Variants in KDM4C observed in about 807,000 individuals in gnomAD.
The protein encoded by KDM4C is lysine demethylase 4C, also known as lysine-specific demethylase 4C.
A neutral mutation model predicts 129.3 loss-of-function variants in KDM4C; 81 were observed. That is an observed-to-expected ratio of 0.63 (90% CI 0.52 to 0.75). The LOEUF is 0.75. Among genes scored for constraint, KDM4C ranks in the 30% least tolerant of loss-of-function variants. The probability of loss-of-function intolerance (pLI) is 0.00; values close to 1 mark genes in which losing one functional copy is unlikely to be tolerated. For missense variants in KDM4C, 1,457 were observed against 1,304.0 expected, an observed-to-expected ratio of 1.12 and a Z score of -1.81; for synonymous variants, 573 against 456.1, an observed-to-expected ratio of 1.26 and a Z score of -3.26.
At chr9:6,985,825 G>A (rs1382710244) in intron 10 of KDM4C, among the ~76,000 whole-genome samples, 1 of 152,016 alleles carries the variant, frequency 6.6e-6, no homozygotes, top group Non-Finnish European at 1.5e-5. Flanking sequence ...TGAGTATCTG[G>A]GACTAAAGGT....
intron 17 of KDM4C, among the ~76,000 whole-genome samples, chr9:7,072,260 T>G (rs1432129670): frequency 6.6e-6 from 1 of 152,220 alleles, no homozygotes. Context: ...CTTATAAAAT[T>G]AAACTTACAA....
chr9:7,150,896 C>G (rs1842669005), intron 19 of KDM4C, among the ~76,000 whole-genome samples: 1 of 152,200 alleles, frequency 6.6e-6, no homozygotes, highest in South Asian at 2.1e-4. Flanking sequence ...AAATATACCT[C>G]TGAGGCTTAA....
At position 7,077,369 on chromosome 9, in the gene KDM4C, A is replaced by T. The variant is rs141454043; in HGVS notation, c.2425-26316A>T. 4.3e-4 allele frequency: 100 copies of T among 234,816 alleles called. No individual in the cohort carries two copies. The Admixed American group carries it at 4.9e-3, about 11-fold the overall frequency. 14.5% of individuals were successfully genotyped at this position (234,816 alleles called of 1,614,324 possible). On this transcript the variant is annotated intron_variant, in intron 17 of 21. Transcript: ENST00000381309. ...AACTACGGCTGAAAAAAAAGTAAAT[A>T]TGAAATAGAATAGCATGCTATTTAG...
At chr9:6,918,916 G>T (rs1444102570) in intron 8 of KDM4C, among the ~76,000 whole-genome samples, 2 of 151,992 alleles carry the variant, frequency 1.3e-5, no homozygotes, top group East Asian at 1.9e-4. Flanking sequence ...CAGTGGCACA[G>T]TCTTAGCTCA....
At chr9:6,973,272 G>A (rs895206145) in intron 8 of KDM4C, among the ~76,000 whole-genome samples, 1 of 152,080 alleles carries the variant, frequency 6.6e-6, no homozygotes, top group Admixed American at 6.5e-5. Context: ...TGAACTTCTG[G>A]CCTCAAGCAA....
At chr9:7,106,766 G>C (rs1004134538) in intron 18 of KDM4C, among the ~76,000 whole-genome samples, 1 of 152,070 alleles carries the variant, frequency 6.6e-6, no homozygotes, top group Admixed American at 6.6e-5. Context: ...AAGTGCCGGA[G>C]TTGTAGGTGT....
At chr9:6,743,210 C>T (rs1399456094) in intron 1 of KDM4C, among the ~76,000 whole-genome samples, 4 of 152,154 alleles carry the variant, frequency 2.6e-5, no homozygotes, top group Admixed American at 6.5e-5. Context: ...TTAAGTAGAG[C>T]TAATGAAATT....
chr9:6,879,449 T>C (rs889053594), intron 5 of KDM4C, among the ~76,000 whole-genome samples: 2 of 152,208 alleles, frequency 1.3e-5, no homozygotes, highest in Non-Finnish European at 2.9e-5. Context: ...TTTTTAAGGC[T>C]GATAATCTTT....
intron 11 of KDM4C, among the ~76,000 whole-genome samples, chr9:6,989,410 G>A (rs1361284311): frequency 6.6e-6 from 1 of 152,114 alleles, no homozygotes; most frequent in Admixed American, 6.5e-5. Flanking sequence ...ATTTTGCGTT[G>A]TGCGAGCAAG....
intron 20 of KDM4C, among the ~76,000 whole-genome samples, chr9:7,165,739 T>C (rs1339434698): frequency 6.6e-6 from 1 of 152,224 alleles, no homozygotes; most frequent in Non-Finnish European, 1.5e-5. Context: ...CCTGAAGTGG[T>C]GGCTTTTGCT....
At chr9:7,072,342 A>T (rs188459994) in intron 17 of KDM4C, among the ~76,000 whole-genome samples, 1 of 152,190 alleles carries the variant, frequency 6.6e-6, no homozygotes, top group Non-Finnish European at 1.5e-5. Flanking sequence ...GTTTACATAT[A>T]TCATAATCAC....
intron 1 of KDM4C, among the ~76,000 whole-genome samples, chr9:6,738,487 G>T (rs374112484): frequency 6.6e-6 from 1 of 152,108 alleles, no homozygotes; most frequent in East Asian, 1.9e-4. Context: ...AAGCTGGAGG[G>T]CAATGGCAAG....
chr9:7,015,737 G>A (rs760370820), intron 14 of KDM4C, 116 bp from the exon 15 acceptor site: 10 of 645,224 alleles, frequency 1.5e-5, no homozygotes, highest in Non-Finnish European at 2.5e-5. Flanking sequence ...TATACAGTGA[G>A]AATCAAGACA....
chr9:7,130,110 A>C (rs10758835), intron 19 of KDM4C, among the ~76,000 whole-genome samples: 4 of 151,956 alleles, frequency 2.6e-5, no homozygotes, highest in Non-Finnish European at 4.4e-5. Context: ...TGCAGGCTAC[A>C]TAGTTGTTTC....
intron 8 of KDM4C, among the ~76,000 whole-genome samples, chr9:6,955,708 C>A (rs1828945152): frequency 1.3e-5 from 2 of 152,184 alleles, no homozygotes; most frequent in South Asian, 2.1e-4. Flanking sequence ...TGGCTCCTTG[C>A]CACATTTGCC....
At position 6,821,134 on chromosome 9, in the gene KDM4C, G is replaced by C. The variant is rs138143923; in HGVS notation, c.435+6389G>C. Among the ~76,000 whole-genome samples the C allele has an allele frequency of 2.8e-3, 422 of 152,188 alleles. 1 individual carries two copies. The highest frequency in any genetic ancestry group is 5.2e-3 in the Non-Finnish European group (352 of 68,004). On this transcript the variant is annotated intron_variant, in intron 4 of 21. Transcript: ENST00000381309. ...CCAGTCTATCATTGATGGACATTTG[G>C]GTTGGTTCCAAGTCTTTGCTGTTGT... is the stretch of plus-strand genomic sequence containing the variant.
chr9:7,040,163 T>G (rs1007943061), intron 15 of KDM4C, among the ~76,000 whole-genome samples: 1 of 152,106 alleles, frequency 6.6e-6, no homozygotes, highest in Non-Finnish European at 1.5e-5. Flanking sequence ...ACAGTATAAC[T>G]TCATTAGCAC....
chr9:6,723,236 G>C (rs146987656), intron 1 of KDM4C, among the ~76,000 whole-genome samples: 85 of 152,092 alleles, frequency 5.6e-4, no homozygotes, highest in African/African-American at 2.0e-3. Flanking sequence ...TTAGCCAGGC[G>C]TGGTGGTGGG....
intron 17 of KDM4C, among the ~76,000 whole-genome samples, chr9:7,100,299 A>C (rs999391582): frequency 6.6e-6 from 1 of 152,180 alleles, no homozygotes; most frequent in Non-Finnish European, 1.5e-5. Flanking sequence ...TAGCCTACCT[A>C]ACCTACAGTA....
Sources: gnomAD v4.1 joint callset for allele counts (sites outside exome capture counted in the v4.1 genomes callset) on GRCh38, gnomAD v4.1.1 for gene constraint, MANE v1.5 for transcripts, NCBI Gene and HGNC (gene_info 2026-07-23, HGNC 2026-07-21) for gene names.